Variants in MTSS1 observed in about 807,000 individuals in gnomAD.
MTSS1 encodes the protein protein MTSS 1.
Under a neutral mutation model 79.0 loss-of-function variants are expected in MTSS1, and 18 were observed. The ratio of observed to expected loss-of-function variants is 0.23; its 90% confidence interval spans 0.16 to 0.34. MTSS1 has a LOEUF of 0.34. MTSS1 is among the 10% of genes least tolerant of loss of function. The probability of loss-of-function intolerance (pLI) is 1.00; values close to 1 mark genes in which losing one functional copy is unlikely to be tolerated. For synonymous variants in MTSS1, 341 were observed against 368.6 expected, an observed-to-expected ratio of 0.93 and a Z score of 0.86; for missense variants, 815 against 986.2, an observed-to-expected ratio of 0.83 and a Z score of 2.33.
intron 8 of MTSS1, 101 bp downstream of exon 8, chr8:124,566,970 G>T: frequency 2.3e-6 from 2 of 865,102 alleles, no homozygotes; most frequent in South Asian, 1.6e-5. Context: ...TGGTGAATAT[G>T]ACTACAATTT....
chr8:124,557,993 A>G, intron 10 of MTSS1, 118 bp from the exon 11 acceptor site: 2 of 789,480 alleles, frequency 2.5e-6, no homozygotes, highest in Non-Finnish European at 3.9e-6. Flanking sequence ...ATTTATAAAT[A>G]AAACAAACAT....
chr8:124,600,212 T>C (rs1833552285), intron 3 of MTSS1, among the ~76,000 whole-genome samples: 1 of 152,164 alleles, frequency 6.6e-6, no homozygotes, highest in Non-Finnish European at 1.5e-5. Flanking sequence ...TCTTTTACAG[T>C]TGCCTCATCC....
Position 124,707,782 on chromosome 8 carries a change from G to A in MTSS1, c.73-3591C>T, listed in dbSNP as rs146641262. 6.7e-4 allele frequency among the ~76,000 whole-genome samples: 102 copies of A among 152,260 alleles called. No homozygotes were observed. In the East Asian group the frequency reaches 0.01, roughly 15 times the overall value. On this transcript the variant is annotated intron_variant, in intron 1 of 13. Coordinates refer to ENST00000518547, the MANE Select transcript of MTSS1 (RefSeq NM_014751.6). ...TCCTAGCTACTCAGGAGGCTGAGGT[G>A]GGAGAATCCCTTGAGCCCGGGAGAT...
chr8:124,696,851 C>CAAA (rs35766199), intron 3 of MTSS1, among the ~76,000 whole-genome samples: 1 of 129,138 alleles, frequency 7.7e-6, no homozygotes, highest in Non-Finnish European at 1.6e-5. Context: ...GAGTCCGTCT[C>CAAA]AAAAAAAAAA....
rs982816199 is a variant in MTSS1 at position 124,629,505 on chromosome 8, C to CAAA, written c.209-38273_209-38271dup. ...CACTCCAGCCTGAATGACTCCGTCT[C>CAAA]AAAAAAAAAAAAAAAAAAAAAGAAA... is the stretch of plus-strand genomic sequence containing the variant. On this transcript the variant is annotated intron_variant, in intron 3 of 13. Coordinates refer to ENST00000518547, the MANE Select transcript of MTSS1 (RefSeq NM_014751.6). Among the ~76,000 whole-genome samples the CAAA allele has an allele frequency of 8.5e-3, 525 of 62,110 alleles. 3 individuals are homozygous for CAAA. The highest frequency in any genetic ancestry group is 0.035 in the East Asian group (72 of 2,042). 40.7% of individuals were successfully genotyped at this position (62,110 alleles called of 152,430 possible).
At position 124,699,513 on chromosome 8, in the gene MTSS1, T is replaced by A. The variant is rs1829391554; in HGVS notation, c.208+13A>T. On this transcript the variant is annotated intron_variant, in intron 3 of 13. Coordinates refer to ENST00000518547, the MANE Select transcript of MTSS1 (RefSeq NM_014751.6). ...ATGCAGTTAACACTGGGAGTCAGCC[T>A]CCATCTGCTTACCACGTGTGTTGGT... The A allele has an allele frequency of 1.2e-6, 2 of 1,613,668 alleles. No homozygotes were observed. Among genetic ancestry groups the A allele is most frequent in the African/African-American group, 2.7e-5 (2 of 75,036 alleles).
chr8:124,568,546 A>G lies in MTSS1; in HGVS notation c.461-10T>C. ...TGGATATCACCTCTCCCTGCAAAAA[A>G]CAGAGACCCAAGCACGGCTTGCTGA... is the stretch of plus-strand genomic sequence containing the variant. On this transcript the variant is annotated splice_polypyrimidine_tract_variant and intron_variant, in intron 6 of 13. Transcript: ENST00000518547. 2.5e-6 allele frequency: 4 copies of G among 1,614,168 alleles called. No individual in the cohort carries two copies. Among genetic ancestry groups the G allele is most frequent in the Non-Finnish European group, 2.5e-6 (3 of 1,180,036 alleles).
At chr8:124,726,088 G>T (rs1005257636) in intron 1 of MTSS1, among the ~76,000 whole-genome samples, 3 of 152,162 alleles carry the variant, frequency 2.0e-5, no homozygotes, top group Non-Finnish European at 4.4e-5. Flanking sequence ...AGATTCCGCC[G>T]TGACTGGGCA....
At chr8:124,657,323 A>G (rs541606886) in intron 3 of MTSS1, among the ~76,000 whole-genome samples, 2 of 152,228 alleles carry the variant, frequency 1.3e-5, no homozygotes, top group African/African-American at 4.8e-5. Flanking sequence ...AAGCTGCGTA[A>G]TGGGGTAAGT....
chr8:124,558,065 T>C, intron 10 of MTSS1, 190 bp from the exon 11 acceptor site: 1 of 548,496 alleles, frequency 1.8e-6, no homozygotes. Context: ...GTGCAAAGAA[T>C]GCACATGAGT....
chr8:124,566,470 C>T (rs905808739), intron 8 of MTSS1, among the ~76,000 whole-genome samples: 1 of 152,208 alleles, frequency 6.6e-6, no homozygotes, highest in African/African-American at 2.4e-5. Context: ...TTACCAAGCA[C>T]AAAAGCCAGC....
intron 3 of MTSS1, among the ~76,000 whole-genome samples, chr8:124,623,020 C>G (rs1364543202): frequency 6.6e-6 from 1 of 152,230 alleles, no homozygotes; most frequent in East Asian, 1.9e-4. Flanking sequence ...ACGATCCAGC[C>G]TGCTTGCCTT....
intron 3 of MTSS1, among the ~76,000 whole-genome samples, chr8:124,626,307 A>G (rs528229093): frequency 1.3e-5 from 2 of 152,254 alleles, no homozygotes; most frequent in African/African-American, 4.8e-5. Flanking sequence ...GGGCCAGTCC[A>G]CCACCAGCTT....
At chr8:124,699,326 C>T in intron 3 of MTSS1, 200 bp downstream of exon 3, 1 of 564,250 alleles carries the variant, frequency 1.8e-6, no homozygotes, top group Non-Finnish European at 3.1e-6. Flanking sequence ...CTTTTTCATT[C>T]TTCTTCACAT....
intron 3 of MTSS1, among the ~76,000 whole-genome samples, chr8:124,602,701 C>G (rs1430229744): frequency 6.6e-6 from 1 of 152,164 alleles, no homozygotes; most frequent in African/African-American, 2.4e-5. Flanking sequence ...AGCCAGACCT[C>G]GGCTAGAGGT....
intron 3 of MTSS1, among the ~76,000 whole-genome samples, chr8:124,599,254 C>A (rs1300755846): frequency 1.3e-5 from 2 of 152,084 alleles, no homozygotes; most frequent in African/African-American, 2.4e-5. Context: ...GAGGCCGAGG[C>A]GGGCCGATTG....
intron 13 of MTSS1, among the ~76,000 whole-genome samples, chr8:124,555,461 T>C (rs1250016659): frequency 6.6e-6 from 1 of 152,122 alleles, no homozygotes; most frequent in Non-Finnish European, 1.5e-5. Context: ...TTAGCCAGGA[T>C]AGTCTCGATC....
intron 3 of MTSS1, among the ~76,000 whole-genome samples, chr8:124,595,698 C>T (rs181675522): frequency 1.3e-3 from 196 of 152,228 alleles, no homozygotes; most frequent in African/African-American, 4.5e-3. Flanking sequence ...CCTTTGGCCA[C>T]GTACAGTAAC....
intron 3 of MTSS1, among the ~76,000 whole-genome samples, chr8:124,633,381 T>G (rs780524083): frequency 3.3e-5 from 5 of 152,166 alleles, no homozygotes; most frequent in South Asian, 4.1e-4. Context: ...TGATCACATA[T>G]AGTATTGAGT....
Sources: allele counts gnomAD v4.1 joint callset (sites outside exome capture counted in the v4.1 genomes callset), GRCh38; gene constraint gnomAD v4.1.1; transcripts MANE v1.5; gene names NCBI Gene and HGNC (gene_info 2026-07-23, HGNC 2026-07-21).